The following DNTT variants were observed in gnomAD, a reference collection of about 807,000 sequenced individuals.
DNTT encodes nucleosidetriphosphate:DNA deoxynucleotidylexotransferase.
In DNTT, 47 loss-of-function variants were observed where a neutral mutation model predicts 60.9. That is an observed-to-expected ratio of 0.77 (90% CI 0.61 to 0.98). The LOEUF is 0.98. Among genes scored for constraint, DNTT ranks in the 50% least tolerant of loss-of-function variants. The pLI is 0.00. For synonymous variants in DNTT, 224 were observed against 221.2 expected, an observed-to-expected ratio of 1.01 and a Z score of -0.11; for missense variants, 665 against 627.5, an observed-to-expected ratio of 1.06 and a Z score of -0.64.
chr10:96,318,545 A>G lies in DNTT; in HGVS notation c.378+19A>G. The G allele has an allele frequency of 6.2e-7, 1 of 1,609,940 alleles. No homozygotes were observed. The highest frequency in any genetic ancestry group is 8.5e-7 in the Non-Finnish European group (1 of 1,177,688). On this transcript the variant is annotated intron_variant, in intron 2 of 10. Transcript: ENST00000371174. ...GCTTGTTGTAAGTGTCATGGGTGTG[A>G]TTTTCACTGTTCTTTGCTTGATGGT...
At chr10:96,333,710 A>C (rs1034624141) in intron 9 of DNTT, among the ~76,000 whole-genome samples, 3 of 152,262 alleles carry the variant, frequency 2.0e-5, no homozygotes, top group Non-Finnish European at 4.4e-5. Flanking sequence ...GGAATAAGTC[A>C]GGCACAGAGA....
intron 2 of DNTT, among the ~76,000 whole-genome samples, chr10:96,318,863 C>A (rs1354155158): frequency 6.6e-6 from 1 of 152,174 alleles, no homozygotes; most frequent in Non-Finnish European, 1.5e-5. Context: ...GATATTCTAG[C>A]AGCCAGAAAA....
At chr10:96,307,154 T>C (rs867356090) in intron 1 of DNTT, among the ~76,000 whole-genome samples, 1 of 152,208 alleles carries the variant, frequency 6.6e-6, no homozygotes, top group Admixed American at 6.5e-5. Flanking sequence ...TGTGAATTGC[T>C]GGATCCATTG....
chr10:96,331,065 G>A (rs1439320103), intron 8 of DNTT, among the ~76,000 whole-genome samples: 1 of 151,956 alleles, frequency 6.6e-6, no homozygotes, highest in Admixed American at 6.6e-5. Flanking sequence ...CAACTCGATT[G>A]GGCACATCTT....
At chr10:96,324,512 T>C in intron 6 of DNTT, 123 bp downstream of exon 6, 3 of 1,427,390 alleles carry the variant, frequency 2.1e-6, no homozygotes, top group Admixed American at 3.9e-5. Flanking sequence ...TGTCCATTGA[T>C]GCTTGGATCT....
At position 96,320,725 on chromosome 10, in the gene DNTT, C is replaced by G; in HGVS notation, c.615C>G (p.Ile205Met). 6.2e-7 allele frequency: 1 copy of G among 1,613,864 alleles called. No individual in the cohort carries two copies. Among genetic ancestry groups the G allele is most frequent in the Non-Finnish European group, 8.5e-7 (1 of 1,179,806 alleles). The change falls in exon 4 of 11, where the codon ATC becomes ATG. Residue 205 changes from isoleucine (I) to methionine (M), a missense_variant. Transcript: ENST00000371174. ...TATTGAAATCTCTGCCATTCACAAT[C>G]ATCAGTATGAAGGACACAGAAGGAA... Reference protein sequence around the residue: ...ASVLKSLPFTIISMKDTEGIP... With the variant: ...ASVLKSLPFTMISMKDTEGIP...
intron 1 of DNTT, among the ~76,000 whole-genome samples, chr10:96,318,072 C>T (rs1844809749): frequency 6.6e-6 from 1 of 152,194 alleles, no homozygotes; most frequent in Non-Finnish European, 1.5e-5. Flanking sequence ...AGCAGTTTTA[C>T]CTTCCATCTT....
rs1431810547 is a variant in DNTT, at chr10:96,318,456, A to T, written c.308A>T (p.Asp103Val). The change falls in exon 2 of 11, where the codon GAT becomes GTT. Residue 103 changes from aspartate to valine, a missense_variant. Coordinates refer to ENST00000371174, the MANE Select transcript of DNTT (RefSeq NM_004088.4). ...GTCAGCTCACAACCAGAGCTCCTCG[A>T]TGTCTCCTGGCTGATCGAATGCATA... is the stretch of plus-strand genomic sequence containing the variant. Reference protein sequence around the residue: ...VQVSSQPELLDVSWLIECIRA... With the variant: ...VQVSSQPELLVVSWLIECIRA... The T allele has an allele frequency of 6.2e-7, 1 of 1,613,978 alleles. No individual in the cohort carries two copies. Among genetic ancestry groups the T allele is most frequent in the East Asian group, 2.2e-5 (1 of 44,872 alleles).
At position 96,307,703 on chromosome 10, in the gene DNTT, G is replaced by GTATA. The variant is rs1344781767; in HGVS notation, c.203+3004_203+3005insATAT. 1.9e-3 allele frequency among the ~76,000 whole-genome samples: 68 copies of GTATA among 35,288 alleles called. No homozygotes were observed. The East Asian group carries it at 0.028, about 15-fold the overall frequency. The allele number at this position is 35,288 out of a possible 152,430, so 23.2% of individuals were successfully genotyped here. A position where few individuals can be genotyped will look rare whatever the true frequency, so the allele number is the denominator to read the frequency against. On this transcript the variant is annotated intron_variant, in intron 1 of 10. Transcript: ENST00000371174. Reference sequence around the variant, plus strand: ...TATATATATGTATGTGTGTGTGTGTGTGTATATATATATATATATATATAT... The same window carrying GTATA: ...TATATATATGTATGTGTGTGTGTGTGTATATGTATATATATATATATATATATAT...
At chr10:96,335,251 C>T (rs1845053378) in intron 9 of DNTT, among the ~76,000 whole-genome samples, 1 of 152,206 alleles carries the variant, frequency 6.6e-6, no homozygotes, top group Admixed American at 6.5e-5. Flanking sequence ...GTATTGCTCC[C>T]TTCAGTCTCA....
At position 96,328,861 on chromosome 10, in the gene DNTT, C is replaced by T. The variant is rs777600092; in HGVS notation, c.1113+31C>T. ...AAGAAAGATGAAAAATACATGCACA[C>T]GCAAACATTATGTTAACACTTGAAT... On this transcript the variant is annotated intron_variant, in intron 8 of 10. Coordinates refer to ENST00000371174, the MANE Select transcript of DNTT (RefSeq NM_004088.4). 3.6e-5 allele frequency: 58 copies of T among 1,593,306 alleles called. No homozygotes were observed. The Middle Eastern group carries it at 5.0e-4, about 14-fold the overall frequency.
At chr10:96,308,868 G>A (rs2133982656) in intron 1 of DNTT, among the ~76,000 whole-genome samples, 1 of 152,244 alleles carries the variant, frequency 6.6e-6, no homozygotes, top group Non-Finnish European at 1.5e-5. Context: ...CATTCGTTAG[G>A]GTGAGGCAGA....
chr10:96,330,323 T>C (rs1357200515), intron 8 of DNTT, among the ~76,000 whole-genome samples: 2 of 152,042 alleles, frequency 1.3e-5, no homozygotes, highest in Non-Finnish European at 2.9e-5. Context: ...GGGCTTTTTT[T>C]TTTTTTTTTT....
intron 5 of DNTT, among the ~76,000 whole-genome samples, chr10:96,323,621 T>A (rs1364525194): frequency 1.3e-5 from 2 of 152,074 alleles, no homozygotes; most frequent in Non-Finnish European, 2.9e-5. Flanking sequence ...AAGAGCAGAT[T>A]TGTGTCTGAA....
At chr10:96,334,138 T>G (rs559069092) in intron 9 of DNTT, among the ~76,000 whole-genome samples, 14 of 152,188 alleles carry the variant, frequency 9.2e-5, no homozygotes, top group South Asian at 2.1e-4. Context: ...AGCTATAAAA[T>G]TTTTCTGAAA....
intron 4 of DNTT, 94 bp from the exon 5 acceptor site, chr10:96,322,563 T>G: frequency 1.5e-4 from 145 of 988,608 alleles, no homozygotes; most frequent in Non-Finnish European, 2.0e-4. Context: ...GCACATTTCA[T>G]GAGAAACCAA....
chr10:96,332,662 G>T (rs1845021552), intron 9 of DNTT, 66 bp downstream of exon 9: 6 of 1,576,668 alleles, frequency 3.8e-6, no homozygotes, highest in Admixed American at 1.7e-5. Context: ...AGTCTACCTG[G>T]GCCCAGGGGA....
Position 96,319,320 on chromosome 10 carries a change from C to T in DNTT, c.437C>T (p.Ala146Val). ...GGCCCCCCGAAGACTCCACCAATTG[C>T]TGTACAAAAGATCTCCCAGTATGCG... ...NPGPPKTPPI[A>V]VQKISQYACQ... Residue 146 changes from alanine to valine, a missense_variant, in exon 3 of 11, where the codon GCT becomes GTT. Coordinates refer to ENST00000371174, the MANE Select transcript of DNTT (RefSeq NM_004088.4). 2 of 1,613,878 alleles carry T rather than the reference C, an allele frequency of 1.2e-6. No homozygotes were observed. Among genetic ancestry groups the T allele is most frequent in the South Asian group, 1.1e-5 (1 of 91,046 alleles).
rs1472363236 is a variant in DNTT at position 96,332,320 on chromosome 10, CT to C, written c.1114-27del. On this transcript the variant is annotated intron_variant, in intron 8 of 10. Coordinates refer to ENST00000371174, the MANE Select transcript of DNTT (RefSeq NM_004088.4). ...AATCATAGATCTTCTTCATCAGGGCCTTTTCCTGATGCCATTCTGTTTCTTT... is the reference window on the plus strand; with the variant it reads ...AATCATAGATCTTCTTCATCAGGGCCTTTCCTGATGCCATTCTGTTTCTTT... 3 of 1,605,342 alleles carry C rather than the reference CT, an allele frequency of 1.9e-6. No homozygotes were observed. The South Asian group carries it at 3.3e-5, about 18-fold the overall frequency.
Sources: allele counts gnomAD v4.1 joint callset (sites outside exome capture counted in the v4.1 genomes callset), GRCh38; gene constraint gnomAD v4.1.1; transcripts MANE v1.5; gene names NCBI Gene and HGNC (gene_info 2026-07-23, HGNC 2026-07-21).